EBF1: variants seen among roughly 807,000 people sequenced by gnomAD.
EBF1 encodes the protein transcription factor COE1.
In EBF1, 10 loss-of-function variants were observed where a neutral mutation model predicts 68.4. That is an observed-to-expected ratio of 0.15 (90% CI 0.09 to 0.25). The LOEUF is 0.25. Ranked by LOEUF, EBF1 falls within the 10% of genes least tolerant of loss-of-function variation. EBF1 has a pLI of 1.00. For synonymous variants in EBF1, 298 were observed against 299.8 expected (o/e 0.99, Z 0.06); for missense variants, 509 against 794.4 (o/e 0.64, Z 4.32).
chr5:158,714,271 T>A, intron 11 of EBF1, 89 bp from the exon 12 acceptor site: 1 of 1,494,706 alleles, frequency 6.7e-7, no homozygotes, highest in Non-Finnish European at 9.3e-7. Flanking sequence ...CCTCTGGCCA[T>A]ACTTTGCCAA....
chr5:158,949,011 CAGG>C (rs1318760096), intron 6 of EBF1, among the ~76,000 whole-genome samples: 1 of 152,180 alleles, frequency 6.6e-6, no homozygotes. Context: ...ACATTTGCAA[CAGG>C]AGTAGGTCAT....
chr5:159,066,582 ATT>A (rs1161434956), intron 6 of EBF1, among the ~76,000 whole-genome samples: 1 of 145,904 alleles, frequency 6.9e-6, no homozygotes, highest in African/African-American at 2.5e-5. Flanking sequence ...TGTAACAAAG[ATT>A]TTTTTTTTTT....
At chr5:158,890,525 T>C (rs905967788) in intron 6 of EBF1, among the ~76,000 whole-genome samples, 3 of 152,236 alleles carry the variant, frequency 2.0e-5, no homozygotes, top group Admixed American at 6.5e-5. Context: ...TATAGCATTA[T>C]CTTACATACC....
rs1265946120 is a variant in EBF1 at position 158,938,192 on chromosome 5, C to T, written c.555-98082G>A. Among the ~76,000 whole-genome samples the T allele has an allele frequency of 3.3e-5, 5 of 152,182 alleles. No individual in the cohort carries two copies. In the East Asian group the frequency reaches 9.6e-4, roughly 29 times the overall value. On this transcript the variant is annotated intron_variant, in intron 6 of 15. Transcript: ENST00000313708. ...TTACTGCCAGATCCTGAATAACCAA[C>T]ATAAAATTGCGATACTTTAACATAG...
intron 6 of EBF1, among the ~76,000 whole-genome samples, chr5:158,976,602 AC>A (rs1424573363): frequency 6.6e-6 from 1 of 152,222 alleles, no homozygotes; most frequent in Non-Finnish European, 1.5e-5. Flanking sequence ...AAGGATTTCA[AC>A]CTAGATCATT....
chr5:158,696,012 A>G lies in EBF1; in HGVS notation c.*3099T>C. 1 of 199,878 alleles carries G rather than the reference A, an allele frequency of 5.0e-6. No individual in the cohort carries two copies. Among genetic ancestry groups the G allele is most frequent in the East Asian group, 7.7e-5 (1 of 12,924 alleles). The allele number at this position is 199,878 out of a possible 1,614,324, so 12.4% of individuals were successfully genotyped here. A position where few individuals can be genotyped will look rare whatever the true frequency, so the allele number is the denominator to read the frequency against. ...GCAAAAAAAAAAAAAAAATTTAACAATCTCTACAGTAGTTAGGTTCTCTAA... is the reference window on the plus strand; with the variant it reads ...GCAAAAAAAAAAAAAAAATTTAACAGTCTCTACAGTAGTTAGGTTCTCTAA... On this transcript the variant is annotated 3_prime_UTR_variant, in exon 16 of 16. Coordinates refer to ENST00000313708, the MANE Select transcript of EBF1 (RefSeq NM_024007.5).
chr5:158,852,790 G>T (rs953248176), intron 6 of EBF1, among the ~76,000 whole-genome samples: 2 of 152,098 alleles, frequency 1.3e-5, no homozygotes, highest in African/African-American at 4.8e-5. Context: ...TATCAGAGAC[G>T]AACAATGACA....
At chr5:158,890,737 G>A (rs965436747) in intron 6 of EBF1, among the ~76,000 whole-genome samples, 3 of 152,204 alleles carry the variant, frequency 2.0e-5, no homozygotes, top group African/African-American at 4.8e-5. Flanking sequence ...TTTATATACT[G>A]AAGTTGAGAT....
chr5:158,917,419 G>C (rs546501183), intron 6 of EBF1, among the ~76,000 whole-genome samples: 1 of 152,218 alleles, frequency 6.6e-6, no homozygotes, highest in Non-Finnish European at 1.5e-5. Context: ...AACCTCCAAA[G>C]TAATAACAAC....
chr5:158,805,646 T>A (rs1781446240), intron 8 of EBF1, among the ~76,000 whole-genome samples: 1 of 152,070 alleles, frequency 6.6e-6, no homozygotes, highest in South Asian at 2.1e-4. Flanking sequence ...ATCTACTTTT[T>A]TGTTAGAGGG....
intron 9 of EBF1, among the ~76,000 whole-genome samples, chr5:158,786,052 C>T (rs1346195156): frequency 2.0e-5 from 3 of 151,910 alleles, no homozygotes; most frequent in Non-Finnish European, 2.9e-5. Flanking sequence ...TTAGCCACCA[C>T]TAATAATTAA....
At chr5:158,966,374 T>G (rs1754103621) in intron 6 of EBF1, among the ~76,000 whole-genome samples, 3 of 152,152 alleles carry the variant, frequency 2.0e-5, no homozygotes, top group Admixed American at 6.5e-5. Flanking sequence ...CCTTCCAATT[T>G]GATGATCACT....
At chr5:158,958,951 G>A (rs901016384) in intron 6 of EBF1, among the ~76,000 whole-genome samples, 12 of 152,088 alleles carry the variant, frequency 7.9e-5, no homozygotes, top group East Asian at 1.9e-4. Context: ...CACACGATTC[G>A]CACATTACTC....
At chr5:158,894,558 G>A (rs192720327) in intron 6 of EBF1, among the ~76,000 whole-genome samples, 195 of 152,140 alleles carry the variant, frequency 1.3e-3, no homozygotes, top group Non-Finnish European at 2.4e-3. Context: ...CCAATTACTT[G>A]CGGCATGTAG....
intron 10 of EBF1, among the ~76,000 whole-genome samples, chr5:158,748,115 A>G (rs1768002723): frequency 6.6e-6 from 1 of 152,188 alleles, no homozygotes; most frequent in South Asian, 2.1e-4. Flanking sequence ...AAAAATATAA[A>G]TGTATATCCA....
intron 6 of EBF1, chr5:159,019,077 C>T (rs1227657657): frequency 6.6e-6 from 1 of 152,142 alleles, no homozygotes; most frequent in East Asian, 1.9e-4. Flanking sequence ...TTACAGATGG[C>T]AAATGTTTAG....
chr5:159,033,865 C>G (rs1045398403), intron 6 of EBF1, among the ~76,000 whole-genome samples: 1 of 152,148 alleles, frequency 6.6e-6, no homozygotes, highest in African/African-American at 2.4e-5. Flanking sequence ...TCATTCTACC[C>G]AACGACCTCC....
chr5:158,794,336 T>C (rs1392315157), intron 9 of EBF1, among the ~76,000 whole-genome samples: 1 of 152,162 alleles, frequency 6.6e-6, no homozygotes, highest in Admixed American at 6.5e-5. Flanking sequence ...TCAATTTTGT[T>C]ATATAGAAAC....
At chr5:158,775,055 T>TA (rs1774819610) in intron 10 of EBF1, among the ~76,000 whole-genome samples, 1 of 152,010 alleles carries the variant, frequency 6.6e-6, no homozygotes, top group African/African-American at 2.4e-5. Context: ...CATTTTTTCA[T>TA]ACCTTAAATT....
Sources: gnomAD v4.1 joint callset for allele counts (sites outside exome capture counted in the v4.1 genomes callset) on GRCh38, gnomAD v4.1.1 for gene constraint, MANE v1.5 for transcripts, NCBI Gene and HGNC (gene_info 2026-07-23, HGNC 2026-07-21) for gene names.